The following LRMDA variants were observed in gnomAD, a reference collection of about 807,000 sequenced individuals.
LRMDA encodes leucine-rich melanocyte differentiation-associated protein.
Under a neutral mutation model 29.8 loss-of-function variants are expected in LRMDA, and 18 were observed. The observed-to-expected ratio is 0.60, with a 90% CI of 0.42 to 0.90. LRMDA has a LOEUF of 0.90. Ranked by LOEUF, LRMDA falls within the 40% of genes least tolerant of loss-of-function variation. LRMDA has a pLI of 0.00. For missense variants in LRMDA, 273 were observed against 273.9 expected, an observed-to-expected ratio of 1.00 and a Z score of 0.02; for synonymous variants, 125 against 109.4, an observed-to-expected ratio of 1.14 and a Z score of -0.89.
rs140812361 is a variant in LRMDA at position 76,007,074 on chromosome 10, CT to C, written c.132-28933del. On this transcript the variant is annotated intron_variant, in intron 2 of 6. Transcript: ENST00000611255. ...TATTTATTTTCCGTCTCTCTGCCCC[CT>C]GGGCCTGCAGTCTTCTGTAGCCGAT... is the stretch of plus-strand genomic sequence containing the variant. 4.7e-3 allele frequency among the ~76,000 whole-genome samples: 706 copies of C among 150,078 alleles called. 35 individuals are homozygous for C. The East Asian group carries it at 0.12, about 24-fold the overall frequency.
intron 2 of LRMDA, among the ~76,000 whole-genome samples, chr10:75,780,005 GAC>G (rs1843361570): frequency 6.6e-6 from 1 of 152,164 alleles, no homozygotes; most frequent in Non-Finnish European, 1.5e-5. Flanking sequence ...TAGACACAGA[GAC>G]ACACAGAGGG....
intron 5 of LRMDA, among the ~76,000 whole-genome samples, chr10:76,257,336 C>CTTTTTTT (rs35378191): frequency 1.4e-5 from 2 of 142,162 alleles, no homozygotes; most frequent in African/African-American, 2.6e-5. Context: ...TTTTCTTTTT[C>CTTTTTTT]TTTTTTTTTT....
intron 6 of LRMDA, among the ~76,000 whole-genome samples, chr10:76,529,948 A>G (rs949672410): frequency 2.6e-5 from 4 of 152,136 alleles, no homozygotes; most frequent in African/African-American, 9.7e-5. Context: ...TTTTCCAAAG[A>G]GAAAGTCTTT....
chr10:76,519,275 C>T (rs2579753), intron 6 of LRMDA, among the ~76,000 whole-genome samples: 113,963 of 151,996 alleles, frequency 0.75, 43,302 homozygotes, highest in Non-Finnish European at 0.82. Context: ...ATGAAAATAC[C>T]GTATATTGAA....
At chr10:75,873,954 G>A (rs1423900638) in intron 2 of LRMDA, among the ~76,000 whole-genome samples, 2 of 152,140 alleles carry the variant, frequency 1.3e-5, no homozygotes, top group African/African-American at 2.4e-5. Flanking sequence ...TTCTTAGGAT[G>A]AAACAGCCTT....
In LRMDA at chr10:76,558,074, G is replaced by GT. The variant is rs1843579770; in HGVS notation, c.*787dup. On this transcript the variant is annotated 3_prime_UTR_variant, in exon 7 of 7. Transcript: ENST00000611255. Reference sequence around the variant, plus strand: ...CTTCTTGCCCTGAATATGATGCAGTGTAAGGCATAAGGCATCTTTCTCAGC... The same window carrying GT: ...CTTCTTGCCCTGAATATGATGCAGTGTTAAGGCATAAGGCATCTTTCTCAGC... 6.6e-6 allele frequency: 1 copy of GT among 152,194 alleles called. No homozygotes were observed. Among genetic ancestry groups the GT allele is most frequent in the African/African-American group, 2.4e-5 (1 of 41,426 alleles). The allele number at this position is 152,194 out of a possible 1,614,324, so 9.4% of individuals were successfully genotyped here. A position where few individuals can be genotyped will look rare whatever the true frequency, so the allele number is the denominator to read the frequency against.
intron 2 of LRMDA, among the ~76,000 whole-genome samples, chr10:75,712,359 A>C (rs1842445730): frequency 6.6e-6 from 1 of 151,314 alleles, no homozygotes; most frequent in African/African-American, 2.4e-5. Context: ...TCTGTGCAAT[A>C]GAAAACGACA....
chr10:76,482,513 T>C (rs1333884057), intron 6 of LRMDA, among the ~76,000 whole-genome samples: 3 of 151,960 alleles, frequency 2.0e-5, no homozygotes, highest in East Asian at 1.9e-4. Context: ...TGTTGTTGCA[T>C]GTAGCAGAAC....
chr10:76,557,432 G>T lies in LRMDA; in HGVS notation c.*144G>T. ...ATGACTTCAGCTTTTGGTACCTTCC[G>T]CTGACTTTGCCAGGCCTGTCAAGAT... On this transcript the variant is annotated 3_prime_UTR_variant, in exon 7 of 7. Transcript: ENST00000611255. 3.0e-6 allele frequency: 2 copies of T among 670,920 alleles called. No individual in the cohort carries two copies. The highest frequency in any genetic ancestry group is 5.1e-6 in the Non-Finnish European group (2 of 388,860). 41.6% of individuals were successfully genotyped at this position (670,920 alleles called of 1,614,324 possible). A position where few individuals can be genotyped will look rare whatever the true frequency, so the allele number is the denominator to read the frequency against.
chr10:75,719,794 G>T (rs760550848), intron 2 of LRMDA, among the ~76,000 whole-genome samples: 1 of 152,154 alleles, frequency 6.6e-6, no homozygotes, highest in Non-Finnish European at 1.5e-5. Context: ...GAGCAGTAAA[G>T]AGTCTTTAAG....
chr10:75,729,192 T>C lies in LRMDA; in HGVS notation c.131+290698T>C, dbSNP rs185773871. On this transcript the variant is annotated intron_variant, in intron 2 of 6. Coordinates refer to ENST00000611255, the MANE Select transcript of LRMDA (RefSeq NM_001305581.2). ...AGGACAGTTAGCAGGTACTCGGGCA[T>C]ATAAATAGCAGAATCTTGACTGAAT... 3.0e-3 allele frequency among the ~76,000 whole-genome samples: 455 copies of C among 152,346 alleles called. 2 individuals are homozygous for C. Among genetic ancestry groups the C allele is most frequent in the Non-Finnish European group, 5.4e-3 (366 of 68,030 alleles).
chr10:76,260,002 A>G (rs1839912758), intron 5 of LRMDA, among the ~76,000 whole-genome samples: 1 of 151,982 alleles, frequency 6.6e-6, no homozygotes, highest in Non-Finnish European at 1.5e-5. Flanking sequence ...TCAACAGCAT[A>G]TAATTGGATC....
At chr10:76,267,455 CTATAAT>C (rs1840020736) in intron 5 of LRMDA, among the ~76,000 whole-genome samples, 1 of 152,158 alleles carries the variant, frequency 6.6e-6, no homozygotes, top group African/African-American at 2.4e-5. Context: ...AGTAGAAACT[CTATAAT>C]TATTAAGCAA....
At chr10:75,641,709 A>G (rs1322767175) in intron 2 of LRMDA, among the ~76,000 whole-genome samples, 1 of 152,020 alleles carries the variant, frequency 6.6e-6, no homozygotes, top group African/African-American at 2.4e-5. Flanking sequence ...CAAAATGCTC[A>G]GATTACAGGT....
At chr10:76,422,646 T>G (rs1025615774) in intron 6 of LRMDA, among the ~76,000 whole-genome samples, 8 of 152,166 alleles carry the variant, frequency 5.3e-5, no homozygotes, top group African/African-American at 1.9e-4. Context: ...TATTAATTCT[T>G]AAGGGGAAGC....
At chr10:75,948,079 T>C (rs1268817787) in intron 2 of LRMDA, among the ~76,000 whole-genome samples, 1 of 152,204 alleles carries the variant, frequency 6.6e-6, no homozygotes, top group Non-Finnish European at 1.5e-5. Flanking sequence ...GCCCACTGTA[T>C]AATCCAGTAG....
chr10:76,239,010 G>A (rs900987590), intron 5 of LRMDA, among the ~76,000 whole-genome samples: 1 of 152,060 alleles, frequency 6.6e-6, no homozygotes, highest in African/African-American at 2.4e-5. Context: ...AAAGGAAGGG[G>A]GTGAGATGGA....
chr10:76,406,517 C>T (rs1841903332), intron 6 of LRMDA, among the ~76,000 whole-genome samples: 2 of 152,284 alleles, frequency 1.3e-5, no homozygotes, highest in South Asian at 2.1e-4. Context: ...GACAAATGTT[C>T]CAGCCTCTCA....
chr10:75,747,980 C>T (rs1842909009), intron 2 of LRMDA, among the ~76,000 whole-genome samples: 1 of 152,192 alleles, frequency 6.6e-6, no homozygotes, highest in African/African-American at 2.4e-5. Context: ...CCATGACCCA[C>T]CCTCTGCTAG....
Sources: allele counts gnomAD v4.1 joint callset (sites outside exome capture counted in the v4.1 genomes callset), GRCh38; gene constraint gnomAD v4.1.1; transcripts MANE v1.5; gene names NCBI Gene and HGNC (gene_info 2026-07-23, HGNC 2026-07-21).